DZANK1: variants seen among roughly 807,000 people sequenced by gnomAD.
DZANK1 encodes double zinc ribbon and ankyrin repeat domains 1, also known as double zinc ribbon and ankyrin repeat-containing protein 1.
DZANK1 carries 91 observed loss-of-function variants against 94.5 expected under a neutral mutation model. The ratio of observed to expected loss-of-function variants is 0.96; its 90% confidence interval spans 0.81 to 1.15. DZANK1 has a LOEUF of 1.15. Ranked by LOEUF, DZANK1 falls within the 50% of genes most tolerant of loss-of-function variation. DZANK1 has a pLI of 0.00. For synonymous variants in DZANK1, 312 were observed against 325.3 expected, an observed-to-expected ratio of 0.96 and a Z score of 0.44; for missense variants, 903 against 916.4, an observed-to-expected ratio of 0.99 and a Z score of 0.19.
At chr20:18,463,982 A>C (rs2059559651) in intron 2 of DZANK1, among the ~76,000 whole-genome samples, 1 of 152,134 alleles carries the variant, frequency 6.6e-6, no homozygotes, top group African/African-American at 2.4e-5. Flanking sequence ...GTGTATGTAT[A>C]TATATGTGTA....
Position 18,433,596 on chromosome 20 carries a change from T to C in DZANK1, c.861+56A>G, listed in dbSNP as rs150870666. On this transcript the variant is annotated intron_variant, in intron 9 of 20. Coordinates refer to ENST00000262547, the Ensembl canonical transcript of DZANK1. ...CACTAGCTGAAAAAGGACATATACCTGTTCAAACATTACTATGTATTTCAT... is the reference window on the plus strand; with the variant it reads ...CACTAGCTGAAAAAGGACATATACCCGTTCAAACATTACTATGTATTTCAT... The C allele has an allele frequency of 1.8e-4, 272 of 1,523,038 alleles. 2 individuals carry two copies. The East Asian group carries it at 5.4e-3, about 30-fold the overall frequency. The allele number at this position is 1,523,038 out of a possible 1,614,324, so 94.3% of individuals were successfully genotyped here.
At position 18,407,154 on chromosome 20, in the gene DZANK1, G is replaced by A. The variant is rs146532475; in HGVS notation, c.1432+5492C>T. On this transcript the variant is annotated intron_variant, in intron 13 of 20. Transcript: ENST00000262547. ...CCTGGAAGGTTAGGACCTTGGGCAAGGCCCAGTGCTATACTGGCTTCAGGT... is the reference window on the plus strand; with the variant it reads ...CCTGGAAGGTTAGGACCTTGGGCAAAGCCCAGTGCTATACTGGCTTCAGGT... Among the ~76,000 whole-genome samples the A allele has an allele frequency of 3.4e-3, 517 of 152,358 alleles. 5 individuals are homozygous for A. Among genetic ancestry groups the A allele is most frequent in the African/African-American group, 0.012 (497 of 41,584 alleles).
chr20:18,451,953 T>C (rs2059116626), intron 6 of DZANK1: 1 of 518,642 alleles, frequency 1.9e-6, no homozygotes, highest in Non-Finnish European at 3.8e-6. Flanking sequence ...TAAATGGGAC[T>C]GTGTCTTGCC....
intron 13 of DZANK1, among the ~76,000 whole-genome samples, chr20:18,404,678 A>G (rs1454413637): frequency 6.6e-6 from 1 of 152,240 alleles, no homozygotes; most frequent in Non-Finnish European, 1.5e-5. Flanking sequence ...GATAGCAACT[A>G]GAGTTGAAGA....
At chr20:18,453,391 G>A (rs1399098152) in intron 5 of DZANK1, among the ~76,000 whole-genome samples, 2 of 151,988 alleles carry the variant, frequency 1.3e-5, no homozygotes, top group Non-Finnish European at 1.5e-5. Flanking sequence ...GACCAGCTTC[G>A]CTTTGAGACT....
At position 18,440,631 on chromosome 20, in the gene DZANK1, C is replaced by A. The variant is rs548070469; in HGVS notation, c.747+2716G>T. Among the ~76,000 whole-genome samples, 198 of 152,288 alleles carry A rather than the reference C, an allele frequency of 1.3e-3. 2 individuals are homozygous for A. The highest frequency in any genetic ancestry group is 4.4e-3 in the African/African-American group (182 of 41,552). On this transcript the variant is annotated intron_variant, in intron 8 of 20. Transcript: ENST00000262547. ...ATGGGTTTAAACCACCCACAACCCC[C>A]TGTGAGGAGAATAAACATCCCCTTT...
At chr20:18,407,362 G>C (rs556086509) in intron 13 of DZANK1, among the ~76,000 whole-genome samples, 1 of 152,358 alleles carries the variant, frequency 6.6e-6, no homozygotes, top group Non-Finnish European at 1.5e-5. Flanking sequence ...CCACAAAGCA[G>C]TACCTCTACA....
chr20:18,436,797 CA>C (rs2058543057), intron 8 of DZANK1, among the ~76,000 whole-genome samples: 1 of 152,004 alleles, frequency 6.6e-6, no homozygotes, highest in Non-Finnish European at 1.5e-5. Context: ...TGTTGAAGGT[CA>C]AAGACAAAGA....
At chr20:18,443,609 G>A in intron 7 of DZANK1, 145 bp from the exon 8 acceptor site, 1 of 535,410 alleles carries the variant, frequency 1.9e-6, no homozygotes, top group East Asian at 3.4e-5. Flanking sequence ...TTCAAGACAG[G>A]AAATACTTAT....
rs754101118 is a variant in DZANK1, at chr20:18,408,621, C to A, written c.1432+4025G>T. On this transcript the variant is annotated intron_variant, in intron 13 of 20. Transcript: ENST00000262547. ...AGAGTGGCATGACATATTTAAAATG[C>A]TGAAAAAAATTAAAAAAGTTTTACC... 3.3e-5 allele frequency among the ~76,000 whole-genome samples: 5 copies of A among 151,938 alleles called. No homozygotes were observed. The South Asian group carries it at 1.0e-3, about 32-fold the overall frequency.
intron 2 of DZANK1, among the ~76,000 whole-genome samples, chr20:18,460,695 C>T (rs2059445673): frequency 6.6e-6 from 1 of 151,684 alleles, no homozygotes; most frequent in African/African-American, 2.4e-5. Flanking sequence ...CGCCACTGCA[C>T]TCCAGCCTGG....
intron 14 of DZANK1, among the ~76,000 whole-genome samples, chr20:18,397,820 A>G (rs2056433324): frequency 6.6e-6 from 1 of 152,146 alleles, no homozygotes; most frequent in Admixed American, 6.5e-5. Flanking sequence ...ACATGCGGCC[A>G]CTCCATGTAG....
At chr20:18,460,484 C>T (rs368153407) in intron 2 of DZANK1, among the ~76,000 whole-genome samples, 178 bp from the exon 3 acceptor site, 9 of 152,286 alleles carry the variant, frequency 5.9e-5, no homozygotes, top group African/African-American at 2.2e-4. Context: ...AATCCCAGCA[C>T]TTTGGGAGGC....
intron 13 of DZANK1, among the ~76,000 whole-genome samples, chr20:18,406,334 T>G (rs958768081): frequency 3.9e-5 from 6 of 152,212 alleles, no homozygotes; most frequent in African/African-American, 1.2e-4. Context: ...AAGAGCACTT[T>G]GTCTTGTATC....
chr20:18,466,516 C>T (rs1358627135), intron 1 of DZANK1, among the ~76,000 whole-genome samples: 5 of 152,192 alleles, frequency 3.3e-5, no homozygotes, highest in Non-Finnish European at 7.3e-5. Flanking sequence ...ACAACAATAG[C>T]TCCTACGGGA....
intron 13 of DZANK1, among the ~76,000 whole-genome samples, chr20:18,404,462 G>C (rs1276073759): frequency 6.6e-6 from 1 of 152,096 alleles, no homozygotes; most frequent in African/African-American, 2.4e-5. Context: ...TCATACTGTG[G>C]GGGTGAAATA....
At chr20:18,450,276 T>TTA (rs1336033285) in intron 6 of DZANK1, among the ~76,000 whole-genome samples, 4 of 152,012 alleles carry the variant, frequency 2.6e-5, no homozygotes, top group African/African-American at 9.7e-5. Context: ...CTAGGCTGGG[T>TTA]GTAGTGGCTC....
chr20:18,435,537 T>G (rs149421990), intron 8 of DZANK1, among the ~76,000 whole-genome samples: 1 of 151,400 alleles, frequency 6.6e-6, no homozygotes, highest in Non-Finnish European at 1.5e-5. Flanking sequence ...TAAGTGGGAG[T>G]TGAACAATGA....
At chr20:18,411,073 C>A (rs2057231694) in intron 13 of DZANK1, among the ~76,000 whole-genome samples, 1 of 152,086 alleles carries the variant, frequency 6.6e-6, no homozygotes, top group South Asian at 2.1e-4. Flanking sequence ...AAAATCATCA[C>A]CCTAATCTTT....
Sources: gnomAD v4.1 joint callset for allele counts (sites outside exome capture counted in the v4.1 genomes callset) on GRCh38, gnomAD v4.1.1 for gene constraint, MANE v1.5 for transcripts, NCBI Gene and HGNC (gene_info 2026-07-23, HGNC 2026-07-21) for gene names.